Variants in MYO3B observed in about 807,000 individuals in gnomAD.
MYO3B encodes the protein myosin IIIB, also known as myosin-IIIb.
Under a neutral mutation model 174.6 loss-of-function variants are expected in MYO3B, and 156 were observed. That is an observed-to-expected ratio of 0.89 (90% CI 0.78 to 1.02). MYO3B has a LOEUF of 1.02. Ranked by LOEUF, MYO3B falls within the 50% of genes least tolerant of loss-of-function variation. MYO3B has a pLI of 0.00. For missense variants in MYO3B, 1,632 were observed against 1,639.4 expected (o/e 1.00, Z 0.08); for synonymous variants, 563 against 569.1 (o/e 0.99, Z 0.15).
chr2:170,624,995 G>A (rs185199805), intron 32 of MYO3B, among the ~76,000 whole-genome samples: 39 of 152,250 alleles, frequency 2.6e-4, no homozygotes, highest in African/African-American at 5.5e-4. Flanking sequence ...TTTTTGCATC[G>A]ATGTTCATCA....
intron 32 of MYO3B, among the ~76,000 whole-genome samples, chr2:170,580,882 C>A (rs577375677): frequency 6.6e-6 from 1 of 151,982 alleles, no homozygotes; most frequent in Non-Finnish European, 1.5e-5. Flanking sequence ...ACATATAGAA[C>A]TCTCATTAAT....
chr2:170,638,495 GA>G (rs1293616643), intron 32 of MYO3B, among the ~76,000 whole-genome samples: 3 of 152,184 alleles, frequency 2.0e-5, no homozygotes, highest in Admixed American at 6.5e-5. Context: ...CCAACAAGCT[GA>G]AAAGCAAAAG....
In MYO3B at chr2:170,653,405, A is replaced by G; in HGVS notation, c.*284A>G. ...TTTACAATAGTTTAAACAGTCATTC[A>G]TGCCCCCAGTGTCTAGGAAGATAAC... On this transcript the variant is annotated 3_prime_UTR_variant, in exon 35 of 35. Transcript: ENST00000408978. 2 of 385,256 alleles carry G rather than the reference A, an allele frequency of 5.2e-6. No individual in the cohort carries two copies. The highest frequency in any genetic ancestry group is 9.4e-6 in the Non-Finnish European group (2 of 213,170). The allele number at this position is 385,256 out of a possible 1,614,324, so 23.9% of individuals were successfully genotyped here. A position where few individuals can be genotyped will look rare whatever the true frequency, so the allele number is the denominator to read the frequency against.
intron 28 of MYO3B, among the ~76,000 whole-genome samples, chr2:170,509,006 A>G (rs1235084484): frequency 1.4e-5 from 2 of 139,758 alleles, no homozygotes; most frequent in African/African-American, 3.0e-5. Context: ...CTAAATGTCA[A>G]CTTCACTGGG....
intron 14 of MYO3B, among the ~76,000 whole-genome samples, chr2:170,389,487 G>T (rs973026347): frequency 6.6e-6 from 1 of 152,150 alleles, no homozygotes; most frequent in African/African-American, 2.4e-5. Context: ...CTAAGATCTG[G>T]GGGTGTTTAT....
chr2:170,301,601 C>T (rs1379352296), intron 7 of MYO3B, among the ~76,000 whole-genome samples: 1 of 152,112 alleles, frequency 6.6e-6, no homozygotes, highest in East Asian at 1.9e-4. Context: ...TGCCCTTAGC[C>T]AGAATCCCAG....
At chr2:170,648,463 C>CTATTAAAATTTTG (rs1345023571) in intron 32 of MYO3B, among the ~76,000 whole-genome samples, 2 of 151,550 alleles carry the variant, frequency 1.3e-5, no homozygotes, top group Admixed American at 6.6e-5. Flanking sequence ...AACCCCATCT[C>CTATTAAAATTTTG]TATTAAAAAT....
At chr2:170,358,619 T>C (rs1305351275) in intron 8 of MYO3B, among the ~76,000 whole-genome samples, 1 of 152,230 alleles carries the variant, frequency 6.6e-6, no homozygotes, top group Admixed American at 6.5e-5. Context: ...ATAAGAATTA[T>C]TAGCAATAAT....
chr2:170,395,464 T>C (rs953319374), intron 16 of MYO3B, among the ~76,000 whole-genome samples: 3 of 152,142 alleles, frequency 2.0e-5, no homozygotes, highest in Admixed American at 6.6e-5. Flanking sequence ...GGAGAAGCCT[T>C]TGAGATCGGC....
Position 170,221,613 on chromosome 2 carries a change from C to T in MYO3B, c.603+4218C>T, listed in dbSNP as rs183637443. ...AAAGATACTGGCAGAGTAGTATCAA[C>T]TCAGCAGTGTAGGAGAAGAGTTCTG... is the stretch of plus-strand genomic sequence containing the variant. On this transcript the variant is annotated intron_variant, in intron 6 of 34. Transcript: ENST00000408978. Among the ~76,000 whole-genome samples the T allele has an allele frequency of 1.3e-5, 2 of 152,348 alleles. 1 individual carries two copies. Among genetic ancestry groups the T allele is most frequent in the East Asian group, 3.9e-4 (2 of 5,188 alleles).
At chr2:170,300,207 C>G (rs1040870788) in intron 7 of MYO3B, among the ~76,000 whole-genome samples, 1 of 151,998 alleles carries the variant, frequency 6.6e-6, no homozygotes, top group South Asian at 2.1e-4. Context: ...CTGCTTTGGC[C>G]AAAGAAATGT....
rs552956106 is a variant in MYO3B, at chr2:170,237,899, A to G, written c.749+1763A>G. On this transcript the variant is annotated intron_variant, in intron 7 of 34. Transcript: ENST00000408978. ...TAGGCAATGTCAGCAATAATCAGTC[A>G]GCAGATTCTCAGTGTGATTATGTGT... Among the ~76,000 whole-genome samples the G allele has an allele frequency of 3.9e-5, 6 of 152,358 alleles. No individual in the cohort carries two copies. The East Asian group carries it at 9.6e-4, about 24-fold the overall frequency.
At chr2:170,370,682 C>G (rs2094235866) in intron 9 of MYO3B, among the ~76,000 whole-genome samples, 1 of 146,402 alleles carries the variant, frequency 6.8e-6, no homozygotes, top group Non-Finnish European at 1.5e-5. Context: ...CACAGCACCA[C>G]CACCACCAAA....
chr2:170,493,616 G>A (rs1686639002), intron 25 of MYO3B, among the ~76,000 whole-genome samples: 1 of 152,120 alleles, frequency 6.6e-6, no homozygotes. Context: ...CCTATTGAAT[G>A]TGATCTGGAC....
At chr2:170,496,555 G>A (rs982009473) in intron 25 of MYO3B, among the ~76,000 whole-genome samples, 5 of 149,928 alleles carry the variant, frequency 3.3e-5, no homozygotes, top group Admixed American at 3.3e-4. Context: ...AAAAACTAAG[G>A]TGAGATTTTC....
chr2:170,377,291 G>C (rs770457535), intron 9 of MYO3B, among the ~76,000 whole-genome samples: 7 of 152,184 alleles, frequency 4.6e-5, no homozygotes, highest in Non-Finnish European at 7.3e-5. Context: ...AATTCTTCTA[G>C]TGTTTAAACC....
chr2:170,335,402 T>A lies in MYO3B; in HGVS notation c.767T>A (p.Leu256Ter). The A allele has an allele frequency of 6.2e-7, 1 of 1,611,432 alleles. No homozygotes were observed. The highest frequency in any genetic ancestry group is 8.5e-7 in the Non-Finnish European group (1 of 1,178,826). Residue 256 changes from leucine (L) to a stop codon, truncating the protein, a stop_gained, in exon 8 of 35, where the codon TTA (leucine) becomes TAA (stop). Transcript: ENST00000408978. LOFTEE classifies it high-confidence loss of function. Reference protein sequence around the residue: ...FKIPRNPPPTLLHPEKWCEEF... With the variant: ...FKIPRNPPPT ...TTTTTCAGAAATCCTCCACCTACTT[T>A]ACTTCATCCAGAAAAATGGTGTGAA... is the stretch of plus-strand genomic sequence containing the variant.
At position 170,290,904 on chromosome 2, in the gene MYO3B, G is replaced by T. The variant is rs147811946; in HGVS notation, c.750-44481G>T. Reference sequence around the variant, plus strand: ...AAAAAAGAACTTGTAGATATAACAGGTTACTTTAAAGAGAAGAAAAGTTAT... The same window carrying T: ...AAAAAAGAACTTGTAGATATAACAGTTTACTTTAAAGAGAAGAAAAGTTAT... On this transcript the variant is annotated intron_variant, in intron 7 of 34. Coordinates refer to ENST00000408978, the MANE Select transcript of MYO3B (RefSeq NM_138995.5). Among the ~76,000 whole-genome samples the T allele has an allele frequency of 1.8e-3, 280 of 152,050 alleles. 2 individuals are homozygous for T. Among genetic ancestry groups the T allele is most frequent in the African/African-American group, 5.8e-3 (241 of 41,504 alleles).
At chr2:170,345,497 A>G (rs886647048) in intron 8 of MYO3B, among the ~76,000 whole-genome samples, 1 of 152,140 alleles carries the variant, frequency 6.6e-6, no homozygotes, top group African/African-American at 2.4e-5. Flanking sequence ...TATTTTTAGT[A>G]TGAAGGGCTA....
Sources: allele counts gnomAD v4.1 joint callset (sites outside exome capture counted in the v4.1 genomes callset), GRCh38; gene constraint gnomAD v4.1.1; transcripts MANE v1.5; gene names NCBI Gene and HGNC (gene_info 2026-07-23, HGNC 2026-07-21).